SV2C: variants seen among roughly 807,000 people sequenced by gnomAD.
The protein encoded by SV2C is solute carrier family 22 member B3.
Under a neutral mutation model 79.7 loss-of-function variants are expected in SV2C, and 49 were observed. The ratio of observed to expected loss-of-function variants is 0.61; its 90% confidence interval spans 0.49 to 0.78. The LOEUF (loss-of-function observed/expected upper bound fraction) is 0.78, where lower values mean the gene tolerates loss of function less well. SV2C is among the 30% of genes least tolerant of loss of function. The pLI is 0.00. For synonymous variants in SV2C, 334 were observed against 333.2 expected (o/e 1.00, Z -0.03); for missense variants, 833 against 912.9 (o/e 0.91, Z 1.13).
chr5:76,120,311 A>AT (rs994604275), intron 1 of SV2C, among the ~76,000 whole-genome samples: 2 of 149,224 alleles, frequency 1.3e-5, no homozygotes, highest in African/African-American at 5.0e-5. Flanking sequence ...CGCATCAAAG[A>AT]TTTTTTTTGT....
chr5:75,919,496 G>T, the SV2C span, among the ~76,000 whole-genome samples: 57 of 152,206 alleles, frequency 3.7e-4, no homozygotes, highest in Middle Eastern at 6.8e-3. Flanking sequence ...ATTATTGCTG[G>T]TTCCCGTAAC....
At chr5:75,921,521 A>G in the SV2C span, 7 of 814,302 alleles carry the variant, frequency 8.6e-6, no homozygotes, top group East Asian at 4.9e-5. Flanking sequence ...GGCTGTGACA[A>G]TCTCTGGGGA....
intron 3 of SV2C, among the ~76,000 whole-genome samples, chr5:76,204,410 C>G (rs1744547031): frequency 6.6e-6 from 1 of 152,140 alleles, no homozygotes; most frequent in African/African-American, 2.4e-5. Context: ...ACTCTGCCCT[C>G]TGTTTATTAT....
the SV2C span, among the ~76,000 whole-genome samples, chr5:75,850,636 A>C: frequency 2.1e-4 from 23 of 107,598 alleles, no homozygotes; most frequent in African/African-American, 8.9e-4. Flanking sequence ...TTAAAGTATA[A>C]TAAAAAAAAA....
intron 12 of SV2C, among the ~76,000 whole-genome samples, chr5:76,322,871 T>C (rs114558857): frequency 0.011 from 1,654 of 152,276 alleles, 35 homozygotes; most frequent in African/African-American, 0.037. Flanking sequence ...CCTTACACTT[T>C]ATGCAAAATT....
the SV2C span, among the ~76,000 whole-genome samples, chr5:75,872,096 AATATATATATGG>A: frequency 4.1e-5 from 6 of 147,498 alleles, no homozygotes; most frequent in African/African-American, 1.5e-4. Flanking sequence ...AATATATATG[AATATATATATGG>A]TAGGTTGCAA....
chr5:76,254,257 T>TATAGAGAGAG (rs1053047235), intron 4 of SV2C, among the ~76,000 whole-genome samples: 1 of 149,302 alleles, frequency 6.7e-6, no homozygotes, highest in African/African-American at 2.5e-5. Context: ...TATATATATA[T>TATAGAGAGAG]AGAGAGAGAG....
chr5:76,103,274 T>A (rs1580267761), intron 1 of SV2C, among the ~76,000 whole-genome samples: 1 of 152,306 alleles, frequency 6.6e-6, no homozygotes, highest in East Asian at 1.9e-4. Context: ...TTTGATGTAT[T>A]ATTCACCTGC....
At chr5:76,141,593 G>A (rs1298309026) in intron 2 of SV2C, among the ~76,000 whole-genome samples, 2 of 152,070 alleles carry the variant, frequency 1.3e-5, no homozygotes, top group Non-Finnish European at 2.9e-5. Flanking sequence ...GGAGGCCAAG[G>A]CAGGTGGATC....
the SV2C span, among the ~76,000 whole-genome samples, chr5:75,991,474 T>A: frequency 6.6e-6 from 1 of 150,832 alleles, no homozygotes; most frequent in South Asian, 2.1e-4. Context: ...CTTTATGGTT[T>A]CTGTCTTTAA....
chr5:76,151,947 T>C (rs1749619674), intron 2 of SV2C, among the ~76,000 whole-genome samples: 1 of 152,104 alleles, frequency 6.6e-6, no homozygotes, highest in African/African-American at 2.4e-5. Context: ...TGGGCAATCT[T>C]GGAATAGTGT....
the SV2C span, among the ~76,000 whole-genome samples, chr5:75,958,044 G>A: frequency 1.3e-5 from 2 of 151,972 alleles, no homozygotes; most frequent in Non-Finnish European, 2.9e-5. Flanking sequence ...TGCCTTTTGA[G>A]CATAGCCCGT....
rs1749196661 is a variant in SV2C, at chr5:76,331,832, G to C, written c.*6285G>C. ...TGAAGAACAGGAATGGGTGCAGGGG[G>C]AGTGTGAACGCAAGGCTGCTGGCTT... On this transcript the variant is annotated 3_prime_UTR_variant, in exon 13 of 13. Coordinates refer to ENST00000502798, the MANE Select transcript of SV2C (RefSeq NM_014979.4). The C allele has an allele frequency of 6.6e-6, 1 of 152,452 alleles. No individual in the cohort carries two copies. The highest frequency in any genetic ancestry group is 1.5e-5 in the Non-Finnish European group (1 of 68,204). 9.4% of individuals were successfully genotyped at this position (152,452 alleles called of 1,614,324 possible). A position where few individuals can be genotyped will look rare whatever the true frequency, so the allele number is the denominator to read the frequency against.
At chr5:76,095,136 A>G (rs894121774) in intron 1 of SV2C, among the ~76,000 whole-genome samples, 3 of 151,998 alleles carry the variant, frequency 2.0e-5, no homozygotes, top group African/African-American at 4.8e-5. Flanking sequence ...TGAAATATAT[A>G]GTTTCAGAGG....
intron 12 of SV2C, among the ~76,000 whole-genome samples, chr5:76,339,318 C>T (rs150135766): frequency 6.6e-6 from 1 of 152,184 alleles, no homozygotes; most frequent in Non-Finnish European, 1.5e-5. Flanking sequence ...TTGATTGCCT[C>T]TTCATTTTCA....
chr5:76,264,363 G>A (rs181527204), intron 4 of SV2C, among the ~76,000 whole-genome samples: 3 of 151,856 alleles, frequency 2.0e-5, no homozygotes, highest in Non-Finnish European at 2.9e-5. Context: ...TAGCTTCCTC[G>A]CATTGGGTTA....
chr5:76,211,074 G>T (rs994439284), intron 4 of SV2C, among the ~76,000 whole-genome samples: 10 of 152,132 alleles, frequency 6.6e-5, no homozygotes, highest in Non-Finnish European at 1.5e-4. Context: ...TCTTGGGACT[G>T]CCATACATAT....
the SV2C span, among the ~76,000 whole-genome samples, chr5:75,933,512 T>A: frequency 6.6e-6 from 1 of 152,216 alleles, no homozygotes; most frequent in South Asian, 2.1e-4. Context: ...GTTTCTTTAG[T>A]CTCCTGGCTG....
At chr5:76,229,718 A>G (rs1392063228) in intron 4 of SV2C, among the ~76,000 whole-genome samples, 1 of 152,256 alleles carries the variant, frequency 6.6e-6, no homozygotes, top group African/African-American at 2.4e-5. Context: ...GGGGGCTTGC[A>G]TAACAAGGGC....
Sources: allele counts gnomAD v4.1 joint callset (sites outside exome capture counted in the v4.1 genomes callset), GRCh38; gene constraint gnomAD v4.1.1; transcripts MANE v1.5; gene names NCBI Gene and HGNC (gene_info 2026-07-23, HGNC 2026-07-21).